STXBP6: variants seen among roughly 807,000 people sequenced by gnomAD.
STXBP6 encodes syntaxin-binding protein 6.
STXBP6 carries 21 observed loss-of-function variants against 26.9 expected under a neutral mutation model. That is an observed-to-expected ratio of 0.78 (90% CI 0.55 to 1.12). The LOEUF (loss-of-function observed/expected upper bound fraction) is 1.12. Among genes scored for constraint, STXBP6 ranks in the 50% most tolerant of loss-of-function variants. The pLI, the probability that STXBP6 is intolerant of heterozygous loss-of-function variation, is 0.00. For missense variants in STXBP6, 232 were observed against 257.9 expected, an observed-to-expected ratio of 0.90 and a Z score of 0.69; for synonymous variants, 97 against 92.6, an observed-to-expected ratio of 1.05 and a Z score of -0.27.
chr14:25,016,576 CG>C (rs2075153077), intron 1 of STXBP6, among the ~76,000 whole-genome samples: 1 of 152,046 alleles, frequency 6.6e-6, no homozygotes, highest in Middle Eastern at 3.2e-3. Flanking sequence ...CCAAAAAGAT[CG>C]TAAGAAATTC....
chr14:25,018,318 G>C (rs78201063), intron 1 of STXBP6, among the ~76,000 whole-genome samples: 12,501 of 152,172 alleles, frequency 0.082, 610 homozygotes, highest in Non-Finnish European at 0.12. Flanking sequence ...GACCCCCCTA[G>C]TTCCCACAGA....
At chr14:24,981,954 C>T (rs1465484844) in intron 1 of STXBP6, among the ~76,000 whole-genome samples, 1 of 152,080 alleles carries the variant, frequency 6.6e-6, no homozygotes, top group Non-Finnish European at 1.5e-5. Context: ...GGTTATAAAA[C>T]AGAAAATGAG....
chr14:24,862,655 A>T (rs1415504384), intron 2 of STXBP6, among the ~76,000 whole-genome samples: 1 of 152,202 alleles, frequency 6.6e-6, no homozygotes, highest in Non-Finnish European at 1.5e-5. Flanking sequence ...AGAAGAGATA[A>T]TGGAAAGTCT....
intron 2 of STXBP6, among the ~76,000 whole-genome samples, chr14:24,866,603 C>A (rs1362038179): frequency 6.6e-6 from 1 of 151,890 alleles, no homozygotes; most frequent in Non-Finnish European, 1.5e-5. Context: ...AAGACTTGTA[C>A]ACTGAAAACT....
chr14:25,021,207 C>T (rs2075256936), intron 1 of STXBP6, among the ~76,000 whole-genome samples: 2 of 152,280 alleles, frequency 1.3e-5, no homozygotes, highest in Non-Finnish European at 2.9e-5. Flanking sequence ...TTCTTCCCTC[C>T]TGTTGCATCT....
At chr14:24,878,725 G>A (rs538557620) in intron 2 of STXBP6, 27 of 422,930 alleles carry the variant, frequency 6.4e-5, no homozygotes, top group South Asian at 4.2e-4. Flanking sequence ...ACGCTGGGAT[G>A]TTCAACCATA....
At chr14:24,888,964 C>A (rs1750693148) in intron 2 of STXBP6, among the ~76,000 whole-genome samples, 1 of 152,002 alleles carries the variant, frequency 6.6e-6, no homozygotes, top group Non-Finnish European at 1.5e-5. Context: ...GCTCCCAGGA[C>A]CCTGGCAGCC....
At chr14:24,856,170 C>T (rs1475859905) in intron 3 of STXBP6, 69 bp from the exon 4 acceptor site, 1 of 1,440,846 alleles carries the variant, frequency 6.9e-7, no homozygotes, top group Non-Finnish European at 9.2e-7. Flanking sequence ...TTACTCCTGT[C>T]AAAAGATTTA....
intron 2 of STXBP6, among the ~76,000 whole-genome samples, chr14:24,881,903 A>G (rs974806858): frequency 6.6e-6 from 1 of 152,164 alleles, no homozygotes; most frequent in Non-Finnish European, 1.5e-5. Flanking sequence ...GAAGATCTCC[A>G]ATTTGCCAAA....
chr14:24,996,021 C>G (rs1178073503), intron 1 of STXBP6, among the ~76,000 whole-genome samples: 1 of 152,106 alleles, frequency 6.6e-6, no homozygotes, highest in Non-Finnish European at 1.5e-5. Context: ...TGTAGATTTA[C>G]TATATAAATT....
intron 1 of STXBP6, among the ~76,000 whole-genome samples, chr14:25,041,884 A>G (rs1269544236): frequency 6.6e-6 from 1 of 152,216 alleles, no homozygotes; most frequent in Non-Finnish European, 1.5e-5. Context: ...CAAAGTCATC[A>G]GGCGTTAAAG....
chr14:24,999,141 A>G (rs1364103547), intron 1 of STXBP6, among the ~76,000 whole-genome samples: 1 of 152,218 alleles, frequency 6.6e-6, no homozygotes, highest in Non-Finnish European at 1.5e-5. Flanking sequence ...AACCCATTGT[A>G]CAGCTGAAAA....
At chr14:24,901,411 C>T (rs1245302277) in intron 2 of STXBP6, among the ~76,000 whole-genome samples, 2 of 152,132 alleles carry the variant, frequency 1.3e-5, no homozygotes, top group Non-Finnish European at 2.9e-5. Context: ...CTAACACTTA[C>T]ACATTTCAAG....
At position 24,993,320 on chromosome 14, in the gene STXBP6, A is replaced by G. The variant is rs187739972; in HGVS notation, c.-32-18470T>C. Among the ~76,000 whole-genome samples the G allele has an allele frequency of 3.0e-3, 461 of 151,968 alleles. 2 individuals carry two copies. The highest frequency in any genetic ancestry group is 4.7e-3 in the Non-Finnish European group (321 of 67,964). ...AGCACCACTATGCACCTAAATAAAA[A>G]CTCAAGCTTTCTCAATCCCTCTCCC... is the stretch of plus-strand genomic sequence containing the variant. On this transcript the variant is annotated intron_variant, in intron 1 of 5. Transcript: ENST00000323944.
At chr14:24,934,361 T>C (rs2139931768) in intron 2 of STXBP6, among the ~76,000 whole-genome samples, 1 of 152,300 alleles carries the variant, frequency 6.6e-6, no homozygotes, top group East Asian at 1.9e-4. Context: ...CAACATTCAG[T>C]GACAGAAGTC....
rs1346625492 is a variant in STXBP6, at chr14:24,809,495, C to A, written c.*3214G>T. Among the ~76,000 whole-genome samples the A allele has an allele frequency of 2.0e-5, 3 of 152,044 alleles. No individual in the cohort carries two copies. The highest frequency in any genetic ancestry group is 4.4e-5 in the Non-Finnish European group (3 of 68,012). On this transcript the variant is annotated 3_prime_UTR_variant, in exon 6 of 6. Coordinates refer to ENST00000323944, the MANE Select transcript of STXBP6 (RefSeq NM_001394410.1). ...AGTCTTTATTACATTCCAAGCTTTT[C>A]CATTAGAACATATGTAATGACATTT...
At chr14:24,913,179 A>G (rs1184630877) in intron 2 of STXBP6, among the ~76,000 whole-genome samples, 1 of 152,180 alleles carries the variant, frequency 6.6e-6, no homozygotes, top group Non-Finnish European at 1.5e-5. Flanking sequence ...TAGCAGCTCA[A>G]TAGTTATGGT....
chr14:24,967,878 G>C (rs1473985569), intron 2 of STXBP6, among the ~76,000 whole-genome samples: 2 of 152,086 alleles, frequency 1.3e-5, no homozygotes, highest in Admixed American at 1.3e-4. Context: ...CCCCTCCCAA[G>C]TGAATTAGAA....
At chr14:24,981,991 T>C (rs2074205374) in intron 1 of STXBP6, among the ~76,000 whole-genome samples, 1 of 152,228 alleles carries the variant, frequency 6.6e-6, no homozygotes, top group Non-Finnish European at 1.5e-5. Context: ...TTTATGTGTA[T>C]ATTTACATGC....
Sources: allele counts gnomAD v4.1 joint callset (sites outside exome capture counted in the v4.1 genomes callset), GRCh38; gene constraint gnomAD v4.1.1; transcripts MANE v1.5; gene names NCBI Gene and HGNC (gene_info 2026-07-23, HGNC 2026-07-21).